TBC1D15: variants seen among roughly 807,000 people sequenced by gnomAD.
TBC1D15 encodes the protein TBC1 domain family member 15.
A neutral mutation model predicts 95.4 loss-of-function variants in TBC1D15; 39 were observed. That is an observed-to-expected ratio of 0.41 (90% CI 0.32 to 0.53). The LOEUF is 0.53. Ranked by LOEUF, TBC1D15 falls within the 20% of genes least tolerant of loss-of-function variation. The pLI is 0.29. For synonymous variants in TBC1D15, 258 were observed against 261.3 expected (o/e 0.99, Z 0.12); for missense variants, 733 against 794.3 (o/e 0.92, Z 0.93).
chr12:71,907,376 A>G (rs1171922750), intron 11 of TBC1D15: 2 of 297,046 alleles, frequency 6.7e-6, no homozygotes, highest in Non-Finnish European at 1.3e-5. Flanking sequence ...TTATAAAGAC[A>G]TCTATAGGAC....
rs755828115 is a variant in TBC1D15, at chr12:71,917,812, T to C, written c.1501+15T>C. ...CAGTTACTTAGGTAAGTTTAGTGAA[T>C]CAGAACTATACCCAGCAAATTGTAG... is the stretch of plus-strand genomic sequence containing the variant. On this transcript the variant is annotated intron_variant, in intron 13 of 16. Transcript: ENST00000485960. 4 of 1,528,304 alleles carry C rather than the reference T, an allele frequency of 2.6e-6. No individual in the cohort carries two copies. In the South Asian group the frequency reaches 4.5e-5, roughly 17 times the overall value. 94.7% of individuals were successfully genotyped at this position (1,528,304 alleles called of 1,614,324 possible). A position where few individuals can be genotyped will look rare whatever the true frequency, so the allele number is the denominator to read the frequency against.
At chr12:71,893,497 AATAAG>A (rs1897587959) in intron 6 of TBC1D15, among the ~76,000 whole-genome samples, 173 bp downstream of exon 6, 1 of 151,722 alleles carries the variant, frequency 6.6e-6, no homozygotes, top group Admixed American at 6.6e-5. Flanking sequence ...CAGAAACAAT[AATAAG>A]TTTTCATGTT....
chr12:71,888,661 T>G (rs1463703862), intron 5 of TBC1D15, among the ~76,000 whole-genome samples: 1 of 152,068 alleles, frequency 6.6e-6, no homozygotes, highest in Admixed American at 6.6e-5. Context: ...TGAAAGCACC[T>G]TCTCTGTTGA....
intron 16 of TBC1D15, among the ~76,000 whole-genome samples, chr12:71,922,615 T>G (rs1869859433): frequency 6.6e-6 from 1 of 152,222 alleles, no homozygotes; most frequent in Admixed American, 6.5e-5. Context: ...CCAAAGCATG[T>G]CAATGAGATA....
chr12:71,850,368 C>T lies in TBC1D15; in HGVS notation c.30+10557C>T, dbSNP rs1023823004. 35 of 329,682 alleles carry T rather than the reference C, an allele frequency of 1.1e-4. 1 individual carries two copies. Among genetic ancestry groups the T allele is most frequent in the South Asian group, 4.1e-4 (15 of 36,602 alleles). The allele number at this position is 329,682 out of a possible 1,614,324, so 20.4% of individuals were successfully genotyped here. ...CATTTCACCTGCCATGTGGAGCCGG[C>T]GGGGTTCGCACAGTGGGCCACCCAG... On this transcript the variant is annotated intron_variant, in intron 1 of 16. Transcript: ENST00000485960.
At chr12:71,849,835 T>C (rs1887317636) in intron 1 of TBC1D15, 5 of 556,960 alleles carry the variant, frequency 9.0e-6, no homozygotes, top group South Asian at 7.5e-5. Context: ...CTTTTGCCAT[T>C]CTGTAGTAAA....
intron 11 of TBC1D15, among the ~76,000 whole-genome samples, chr12:71,912,730 TG>T (rs2138999995): frequency 6.6e-6 from 1 of 152,276 alleles, no homozygotes; most frequent in Admixed American, 6.5e-5. Context: ...TGAATAAAAA[TG>T]TAAACTTTGG....
At chr12:71,840,717 C>G (rs1884759698) in intron 1 of TBC1D15, among the ~76,000 whole-genome samples, 1 of 152,196 alleles carries the variant, frequency 6.6e-6, no homozygotes, top group African/African-American at 2.4e-5. Flanking sequence ...TCCTCTGTTC[C>G]TTGAGTTTCA....
chr12:71,884,789 G>C (rs953305679), intron 4 of TBC1D15, 22 bp from the exon 5 acceptor site: 2 of 1,611,754 alleles, frequency 1.2e-6, no homozygotes, highest in Non-Finnish European at 1.7e-6. Flanking sequence ...AAAATATTTT[G>C]CCCCACTTTC....
chr12:71,904,925 G>C (rs1052353962), intron 10 of TBC1D15, among the ~76,000 whole-genome samples: 10 of 152,138 alleles, frequency 6.6e-5, no homozygotes, highest in Non-Finnish European at 1.3e-4. Context: ...TGTTAGTGAT[G>C]GTGAATATAA....
rs375176031 is a variant in TBC1D15, at chr12:71,897,946, T to C, written c.1183+5T>C. ...GAGATTATAGAAGTCTTATCGGTAA[T>C]TTTTTCTTAACAACTTTGGAAATGC... On this transcript the variant is annotated splice_donor_5th_base_variant and intron_variant, in intron 10 of 16. Coordinates refer to ENST00000485960, the MANE Select transcript of TBC1D15 (RefSeq NM_001146213.3). The C allele has an allele frequency of 3.1e-6, 5 of 1,607,774 alleles. No homozygotes were observed. Among genetic ancestry groups the C allele is most frequent in the Non-Finnish European group, 2.6e-6 (3 of 1,175,524 alleles).
At chr12:71,869,749 A>AT (rs745964991) in intron 1 of TBC1D15, among the ~76,000 whole-genome samples, 22 of 151,866 alleles carry the variant, frequency 1.4e-4, no homozygotes, top group Admixed American at 3.3e-4. Flanking sequence ...CATTTTTCAT[A>AT]TCTTTTTTTG....
At chr12:71,883,530 CT>C (rs1895631336) in intron 4 of TBC1D15, among the ~76,000 whole-genome samples, 3 of 152,136 alleles carry the variant, frequency 2.0e-5, no homozygotes, top group Admixed American at 2.0e-4. Context: ...TTTCTGTAAG[CT>C]GTAGATTTCT....
chr12:71,907,703 C>T (rs1020969649), intron 11 of TBC1D15: 1 of 152,168 alleles, frequency 6.6e-6, no homozygotes, highest in Non-Finnish European at 1.5e-5. Context: ...TGCTGGGATA[C>T]TAAGGATGAT....
At chr12:71,850,803 A>G (rs545359580) in intron 1 of TBC1D15, among the ~76,000 whole-genome samples, 1 of 152,174 alleles carries the variant, frequency 6.6e-6, no homozygotes, top group South Asian at 2.1e-4. Flanking sequence ...CTTCGGCAAC[A>G]TGGTGAAACC....
intron 1 of TBC1D15, among the ~76,000 whole-genome samples, chr12:71,853,874 A>G (rs1888418114): frequency 6.6e-6 from 1 of 152,196 alleles, no homozygotes; most frequent in South Asian, 2.1e-4. Flanking sequence ...TGGTGCAAAC[A>G]GTTATGTGAG....
chr12:71,913,463 A>G (rs2139010517), intron 11 of TBC1D15: 1 of 171,684 alleles, frequency 5.8e-6, no homozygotes, highest in African/African-American at 2.4e-5. Flanking sequence ...CCTGTCTTTG[A>G]GTGTATACTC....
At chr12:71,875,562 C>T (rs1893626537) in intron 3 of TBC1D15, among the ~76,000 whole-genome samples, 1 of 151,498 alleles carries the variant, frequency 6.6e-6, no homozygotes, top group South Asian at 2.1e-4. Context: ...CTTTCCCTAC[C>T]TTCTCCTCGC....
chr12:71,851,282 G>C (rs748954253), intron 1 of TBC1D15, among the ~76,000 whole-genome samples: 1 of 152,072 alleles, frequency 6.6e-6, no homozygotes, highest in East Asian at 1.9e-4. Context: ...GTGTTAAACC[G>C]TGAGAAACCA....
Sources: gnomAD v4.1 joint callset for allele counts (sites outside exome capture counted in the v4.1 genomes callset) on GRCh38, gnomAD v4.1.1 for gene constraint, MANE v1.5 for transcripts, NCBI Gene and HGNC (gene_info 2026-07-23, HGNC 2026-07-21) for gene names.